Variants in LRP1B observed in about 807,000 individuals in gnomAD.
LRP1B encodes low-density lipoprotein receptor-related protein 1B.
A neutral mutation model predicts 556.6 loss-of-function variants in LRP1B; 217 were observed. That is an observed-to-expected ratio of 0.39 (90% CI 0.35 to 0.44). The LOEUF (loss-of-function observed/expected upper bound fraction) is 0.44. Among genes scored for constraint, LRP1B ranks in the 20% least tolerant of loss-of-function variants. The pLI is 1.00. For synonymous variants in LRP1B, 2,047 were observed against 1,865.8 expected, an observed-to-expected ratio of 1.10 and a Z score of -2.50; for missense variants, 5,053 against 5,620.8, an observed-to-expected ratio of 0.90 and a Z score of 3.23.
chr2:142,022,732 A>G lies in LRP1B; in HGVS notation c.82+107916T>C, dbSNP rs186160097. Among the ~76,000 whole-genome samples the G allele has an allele frequency of 7.1e-3, 1,086 of 152,180 alleles. 3 individuals are homozygous for G. Among genetic ancestry groups the G allele is most frequent in the Middle Eastern group, 0.02 (6 of 294 alleles). On this transcript the variant is annotated intron_variant, in intron 1 of 90. Coordinates refer to ENST00000389484, the MANE Select transcript of LRP1B (RefSeq NM_018557.3). Reference sequence around the variant, plus strand: ...GTTGCCCAGGCTGGAGTGCCGTGGCACCATCTCGGCTCACTGCAACCTCCA... The same window carrying G: ...GTTGCCCAGGCTGGAGTGCCGTGGCGCCATCTCGGCTCACTGCAACCTCCA...
chr2:141,102,483 T>C (rs998439792), intron 7 of LRP1B, among the ~76,000 whole-genome samples: 5 of 152,114 alleles, frequency 3.3e-5, no homozygotes, highest in Non-Finnish European at 5.9e-5. Context: ...TCTATCCACC[T>C]ATATCGGGTT....
At chr2:141,838,020 T>C (rs944722100) in intron 1 of LRP1B, among the ~76,000 whole-genome samples, 1 of 151,984 alleles carries the variant, frequency 6.6e-6, no homozygotes, top group Admixed American at 6.6e-5. Flanking sequence ...TGGAGCCGGG[T>C]AGGGTCCCGT....
chr2:140,444,730 T>TTA lies in LRP1B; in HGVS notation c.10058-52_10058-51insTA, dbSNP rs148957333. 2.0e-4 allele frequency: 218 copies of TTA among 1,074,624 alleles called. No homozygotes were observed. The African/African-American group carries it at 3.2e-3, about 16-fold the overall frequency. 66.6% of individuals were successfully genotyped at this position (1,074,624 alleles called of 1,614,324 possible). A position where few individuals can be genotyped will look rare whatever the true frequency, so the allele number is the denominator to read the frequency against. ...GGAATGGTAATCTTACCTCACAACT[T>TTA]CTTAAACATAGAGTTTCTGACATTC... On this transcript the variant is annotated intron_variant, in intron 63 of 90. Coordinates refer to ENST00000389484, the MANE Select transcript of LRP1B (RefSeq NM_018557.3).
intron 29 of LRP1B, among the ~76,000 whole-genome samples, chr2:140,849,401 A>T (rs1396370426): frequency 1.1e-5 from 1 of 91,426 alleles, no homozygotes; most frequent in African/African-American, 3.4e-5. Context: ...AAAAACAAAA[A>T]ACAAAATCCA....
intron 2 of LRP1B, among the ~76,000 whole-genome samples, chr2:141,480,777 T>C (rs906150470): frequency 3.4e-4 from 52 of 152,212 alleles, no homozygotes; most frequent in Non-Finnish European, 1.2e-4. Context: ...AAATATTCTT[T>C]TCAACCATTA....
Position 140,315,040 on chromosome 2 carries a change from C to A in LRP1B, c.12700G>T (p.Asp4234Tyr), listed in dbSNP as rs867914094. The A allele has an allele frequency of 6.2e-7, 1 of 1,611,586 alleles. No homozygotes were observed. The highest frequency in any genetic ancestry group is 1.3e-5 in the African/African-American group (1 of 74,934). Residue 4234 changes from aspartate (D) to tyrosine (Y), a missense_variant, in exon 83 of 91, where the codon GAT (aspartate) becomes TAT (tyrosine). By Grantham distance (160) the Asp-to-Tyr change is radical (BLOSUM62 -3). Transcript: ENST00000389484. ...GGRCILNEKG[D>Y]LRCHCWPSYS... Reference sequence around the variant, plus strand: ...CTGGGCCAACAGTGACACCTCAAATCACCTTTCTCATTTAAAATGCATCTT... The same window carrying A: ...CTGGGCCAACAGTGACACCTCAAATAACCTTTCTCATTTAAAATGCATCTT...
chr2:141,498,908 A>G (rs1216403433), intron 2 of LRP1B, among the ~76,000 whole-genome samples: 1 of 152,078 alleles, frequency 6.6e-6, no homozygotes, highest in East Asian at 1.9e-4. Flanking sequence ...TTGCTTAGAT[A>G]GGCAAATAAC....
At chr2:141,238,232 C>T (rs2105311105) in intron 5 of LRP1B, among the ~76,000 whole-genome samples, 1 of 152,212 alleles carries the variant, frequency 6.6e-6, no homozygotes, top group East Asian at 1.9e-4. Context: ...AGTGACCTTT[C>T]TAATTGTAGC....
In LRP1B at chr2:140,322,105, A is replaced by G. The variant is rs761674182; in HGVS notation, c.12515-17T>C. ...GATTGGGTACTGGTGAAACAAAAGAAAACAAAGAAGTGTGTAAATATAGAT... is the reference window on the plus strand; with the variant it reads ...GATTGGGTACTGGTGAAACAAAAGAGAACAAAGAAGTGTGTAAATATAGAT... On this transcript the variant is annotated splice_polypyrimidine_tract_variant and intron_variant, in intron 81 of 90. Coordinates refer to ENST00000389484, the MANE Select transcript of LRP1B (RefSeq NM_018557.3). The G allele has an allele frequency of 2.5e-6, 4 of 1,608,272 alleles. No homozygotes were observed. Among genetic ancestry groups the G allele is most frequent in the Non-Finnish European group, 3.4e-6 (4 of 1,177,654 alleles).
At chr2:141,153,415 C>A (rs1419491055) in intron 7 of LRP1B, among the ~76,000 whole-genome samples, 1 of 104,870 alleles carries the variant, frequency 9.5e-6, no homozygotes, top group African/African-American at 3.8e-5. Context: ...TATATATTAG[C>A]TATATATATT....
chr2:140,937,603 T>G (rs1695267551), intron 20 of LRP1B, among the ~76,000 whole-genome samples: 1 of 152,124 alleles, frequency 6.6e-6, no homozygotes, highest in Non-Finnish European at 1.5e-5. Context: ...TGGTAAATTT[T>G]GTGCTATGAG....
At chr2:141,902,641 GCGC>G in intron 1 of LRP1B, among the ~76,000 whole-genome samples, 1 of 152,136 alleles carries the variant, frequency 6.6e-6, no homozygotes, top group Non-Finnish European at 1.5e-5. Context: ...CATTCAAGCT[GCGC>G]TTGAAGGAAG....
At chr2:140,619,739 T>C (rs1017217736) in intron 41 of LRP1B, among the ~76,000 whole-genome samples, 3 of 152,194 alleles carry the variant, frequency 2.0e-5, no homozygotes, top group Admixed American at 2.0e-4. Context: ...GGTATTATTA[T>C]GGCAATGCAG....
At chr2:141,014,212 T>A (rs1314523508) in intron 13 of LRP1B, among the ~76,000 whole-genome samples, 2 of 152,026 alleles carry the variant, frequency 1.3e-5, no homozygotes, top group African/African-American at 4.8e-5. Context: ...GTCAAAAGGA[T>A]CCTCCTACTT....
intron 2 of LRP1B, among the ~76,000 whole-genome samples, chr2:141,726,056 AT>A (rs557732876): frequency 0.017 from 2,578 of 151,776 alleles, 26 homozygotes; most frequent in South Asian, 0.023. Context: ...AAAAAATGTG[AT>A]TTTTTTAAAA....
At chr2:141,050,594 AG>A (rs1699008574) in intron 10 of LRP1B, among the ~76,000 whole-genome samples, 2 of 152,180 alleles carry the variant, frequency 1.3e-5, no homozygotes, top group East Asian at 1.9e-4. Context: ...GAAAACATGC[AG>A]GGTTTGGTTA....
intron 2 of LRP1B, among the ~76,000 whole-genome samples, chr2:141,550,788 A>T (rs867780782): frequency 6.6e-6 from 1 of 152,052 alleles, no homozygotes; most frequent in Non-Finnish European, 1.5e-5. Context: ...ACCTTCCCCA[A>T]TGTTTTCCTG....
At chr2:141,088,034 C>G (rs1700088892) in intron 7 of LRP1B, among the ~76,000 whole-genome samples, 1 of 152,098 alleles carries the variant, frequency 6.6e-6, no homozygotes, top group South Asian at 2.1e-4. Context: ...AGTTATTTTT[C>G]TATTCCAAAA....
intron 1 of LRP1B, among the ~76,000 whole-genome samples, chr2:141,968,151 T>C (rs1701614405): frequency 1.3e-5 from 2 of 151,844 alleles, no homozygotes; most frequent in Admixed American, 1.3e-4. Flanking sequence ...ATGTGCAGCA[T>C]TACTTTATTC....
Sources: gnomAD v4.1 joint callset for allele counts (sites outside exome capture counted in the v4.1 genomes callset) on GRCh38, gnomAD v4.1.1 for gene constraint, MANE v1.5 for transcripts, NCBI Gene and HGNC (gene_info 2026-07-23, HGNC 2026-07-21) for gene names.